The following FGGY variants were observed in gnomAD, a reference collection of about 807,000 sequenced individuals.
FGGY encodes FGGY carbohydrate kinase domain-containing protein.
Under a neutral mutation model 71.3 loss-of-function variants are expected in FGGY, and 72 were observed. The ratio of observed to expected loss-of-function variants is 1.01; its 90% CI spans 0.84 to 1.23. The LOEUF is 1.23. Ranked by LOEUF, FGGY falls within the 50% of genes most tolerant of loss-of-function variation. The pLI, the probability that FGGY is intolerant of heterozygous loss-of-function variation, is 0.00. For missense variants in FGGY, 668 were observed against 682.3 expected, an observed-to-expected ratio of 0.98 and a Z score of 0.23; for synonymous variants, 251 against 250.3, an observed-to-expected ratio of 1.00 and a Z score of -0.02.
chr1:59,389,335 C>T (rs573900033), intron 5 of FGGY, among the ~76,000 whole-genome samples: 4 of 152,258 alleles, frequency 2.6e-5, no homozygotes, highest in South Asian at 2.1e-4. Flanking sequence ...TATCCTTTTG[C>T]GTCTGGCATA....
At chr1:59,623,082 G>A (rs1009275757) in intron 9 of FGGY, among the ~76,000 whole-genome samples, 1 of 152,122 alleles carries the variant, frequency 6.6e-6, no homozygotes, top group Admixed American at 6.5e-5. Flanking sequence ...ACTAAGGATT[G>A]TAAAAGAACT....
intron 7 of FGGY, among the ~76,000 whole-genome samples, chr1:59,518,141 G>A (rs1038640172): frequency 2.0e-5 from 3 of 152,242 alleles, no homozygotes; most frequent in African/African-American, 7.2e-5. Context: ...TGCAGAGCCA[G>A]GCCAAAATGA....
At chr1:59,702,561 A>G (rs561933057) in intron 14 of FGGY, among the ~76,000 whole-genome samples, 8 of 152,278 alleles carry the variant, frequency 5.3e-5, no homozygotes, top group African/African-American at 1.7e-4. Flanking sequence ...ATAAGTTAAA[A>G]TGTCAAGGGT....
intron 4 of FGGY, among the ~76,000 whole-genome samples, chr1:59,350,102 C>T (rs796379830): frequency 9.2e-5 from 14 of 152,156 alleles, no homozygotes; most frequent in African/African-American, 3.4e-4. Flanking sequence ...CTCAAGTGCC[C>T]GTTCAGTATA....
intron 6 of FGGY, among the ~76,000 whole-genome samples, chr1:59,507,196 C>G (rs1255702731): frequency 2.6e-5 from 4 of 152,138 alleles, no homozygotes; most frequent in Admixed American, 2.6e-4. Flanking sequence ...AGCTCTGCAT[C>G]GGCCTTATTT....
intron 11 of FGGY, among the ~76,000 whole-genome samples, chr1:59,654,609 GC>G (rs2097201396): frequency 6.6e-6 from 1 of 152,024 alleles, no homozygotes; most frequent in South Asian, 2.1e-4. Flanking sequence ...AAGTGTAATT[GC>G]TAATACATTT....
At chr1:59,720,340 G>A (rs1160355642) in intron 14 of FGGY, among the ~76,000 whole-genome samples, 2 of 152,208 alleles carry the variant, frequency 1.3e-5, no homozygotes, top group African/African-American at 4.8e-5. Context: ...GGAAAAAAAG[G>A]TCCTTCAGTT....
chr1:59,456,441 T>C (rs2091700653), intron 5 of FGGY, among the ~76,000 whole-genome samples: 1 of 151,050 alleles, frequency 6.6e-6, no homozygotes, highest in African/African-American at 2.4e-5. Flanking sequence ...AATAAAGGAC[T>C]GAAACTTTTT....
intron 13 of FGGY, among the ~76,000 whole-genome samples, chr1:59,667,694 A>T (rs1314407514): frequency 6.6e-6 from 1 of 152,158 alleles, no homozygotes; most frequent in East Asian, 1.9e-4. Flanking sequence ...AACAGTTTTG[A>T]ATACCTCTTC....
At chr1:59,449,320 GT>G (rs2072074836) in intron 5 of FGGY, among the ~76,000 whole-genome samples, 1 of 152,070 alleles carries the variant, frequency 6.6e-6, no homozygotes, top group South Asian at 2.1e-4. Context: ...GTCTTGCTCT[GT>G]CCCCCAGGCT....
chr1:59,649,752 T>C (rs2097137645), intron 11 of FGGY, among the ~76,000 whole-genome samples: 1 of 141,766 alleles, frequency 7.1e-6, no homozygotes, highest in Non-Finnish European at 1.5e-5. Context: ...TTCCTTCTCT[T>C]GCCTAATTGC....
chr1:59,715,030 C>T (rs753970532), intron 14 of FGGY, among the ~76,000 whole-genome samples: 19 of 152,094 alleles, frequency 1.2e-4, no homozygotes, highest in Non-Finnish European at 2.6e-4. Flanking sequence ...CCCTTTGTTT[C>T]CCCCTTTCAA....
intron 5 of FGGY, among the ~76,000 whole-genome samples, chr1:59,451,223 T>G (rs1439143256): frequency 1.3e-5 from 2 of 152,074 alleles, no homozygotes; most frequent in Non-Finnish European, 2.9e-5. Context: ...TTCTCATTCC[T>G]TATAACCAAC....
At chr1:59,609,056 G>T (rs897510798) in intron 9 of FGGY, among the ~76,000 whole-genome samples, 1 of 152,180 alleles carries the variant, frequency 6.6e-6, no homozygotes, top group Non-Finnish European at 1.5e-5. Context: ...GAAGGCATTG[G>T]TGCTGAGCCT....
chr1:59,592,231 T>G (rs1247088545), intron 8 of FGGY, among the ~76,000 whole-genome samples: 1 of 151,980 alleles, frequency 6.6e-6, no homozygotes, highest in African/African-American at 2.4e-5. Flanking sequence ...AAAACCACAA[T>G]GAGATACCAT....
intron 8 of FGGY, among the ~76,000 whole-genome samples, chr1:59,602,867 C>T (rs2153811414): frequency 6.6e-6 from 1 of 152,272 alleles, no homozygotes; most frequent in Non-Finnish European, 1.5e-5. Flanking sequence ...TTCTACCTGG[C>T]TGCCCTGTCA....
chr1:59,738,146 G>C (rs1358938497), intron 14 of FGGY, among the ~76,000 whole-genome samples: 1 of 152,208 alleles, frequency 6.6e-6, no homozygotes, highest in South Asian at 2.1e-4. Context: ...TCACTGAGCT[G>C]TGCTAAAGGT....
At chr1:59,751,170 T>C (rs1451640659) in intron 14 of FGGY, among the ~76,000 whole-genome samples, 1 of 152,242 alleles carries the variant, frequency 6.6e-6, no homozygotes, top group Non-Finnish European at 1.5e-5. Flanking sequence ...TTGGGAAAAT[T>C]ACTTATATTC....
At chr1:59,378,611 C>T in intron 4 of FGGY, 138 bp from the exon 5 acceptor site, 4 of 635,744 alleles carry the variant, frequency 6.3e-6, no homozygotes, top group Non-Finnish European at 1.1e-5. Flanking sequence ...ATTATTCCTA[C>T]CCCCACCAAG....
Sources: gnomAD v4.1 joint callset for allele counts (sites outside exome capture counted in the v4.1 genomes callset) on GRCh38, gnomAD v4.1.1 for gene constraint, MANE v1.5 for transcripts, NCBI Gene and HGNC (gene_info 2026-07-23, HGNC 2026-07-21) for gene names.